The following SOX6 variants were observed in gnomAD, a reference collection of about 807,000 sequenced individuals.
SOX6 encodes the protein transcription factor SOX-6.
A neutral mutation model predicts 97.8 loss-of-function variants in SOX6; 11 were observed. The observed-to-expected ratio is 0.11, with a 90% CI of 0.07 to 0.19. SOX6 has a LOEUF of 0.19. SOX6 is among the 10% of genes least tolerant of loss of function. SOX6 has a pLI of 1.00. For missense variants in SOX6, 810 were observed against 1,039.5 expected (o/e 0.78, Z 3.04); for synonymous variants, 360 against 371.4 (o/e 0.97, Z 0.35).
intron 4 of SOX6, among the ~76,000 whole-genome samples, chr11:16,550,595 T>C (rs1290857973): frequency 6.6e-6 from 1 of 152,118 alleles, no homozygotes; most frequent in African/African-American, 2.4e-5. Flanking sequence ...TGCTCTAAAT[T>C]ATACCTTAAT....
At chr11:16,308,308 T>C (rs1474549813) in intron 3 of SOX6, among the ~76,000 whole-genome samples, 1 of 152,224 alleles carries the variant, frequency 6.6e-6, no homozygotes, top group Non-Finnish European at 1.5e-5. Context: ...TAGTAAACTC[T>C]AAAATTTGGA....
In SOX6 at chr11:16,548,911, C is replaced by CA. The variant is rs149712409; in HGVS notation, n.609+63169dup. ...GCCATTCCATAACGTATACATATTT[C>CA]AAAAAAAATGAAATCACAAACCCAG... On this transcript the variant is annotated intron_variant and non_coding_transcript_variant, in intron 4 of 5. Transcript: ENST00000524520. Among the ~76,000 whole-genome samples the CA allele has an allele frequency of 4.0e-3, 603 of 150,774 alleles. 15 individuals carry two copies. In the East Asian group the frequency reaches 0.052, roughly 13 times the overall value.
chr11:16,592,323 T>C (rs989625233), intron 4 of SOX6, among the ~76,000 whole-genome samples: 7 of 148,804 alleles, frequency 4.7e-5, no homozygotes, highest in African/African-American at 1.7e-4. Context: ...AAGATCTCTA[T>C]TTCCTCTCCA....
intron 4 of SOX6, among the ~76,000 whole-genome samples, chr11:16,225,027 C>T (rs536630531): frequency 3.1e-4 from 47 of 152,168 alleles, no homozygotes; most frequent in Non-Finnish European, 2.9e-4. Context: ...ACAGAAAATA[C>T]TGGCAAACAT....
intron 5 of SOX6, among the ~76,000 whole-genome samples, chr11:16,186,502 T>G (rs1483607423): frequency 1.3e-5 from 2 of 152,152 alleles, no homozygotes; most frequent in Non-Finnish European, 2.9e-5. Context: ...GTGATGTCTA[T>G]ATGAATAAGC....
intron 13 of SOX6, among the ~76,000 whole-genome samples, chr11:16,010,809 C>T (rs1460879829): frequency 2.6e-5 from 4 of 151,804 alleles, no homozygotes; most frequent in Non-Finnish European, 5.9e-5. Flanking sequence ...ACAAATACAA[C>T]CTCTAAGCCA....
At chr11:16,699,276 T>C (rs2134040467) in intron 3 of SOX6, among the ~76,000 whole-genome samples, 1 of 152,304 alleles carries the variant, frequency 6.6e-6, no homozygotes, top group South Asian at 2.1e-4. Context: ...AGCCAAAAAA[T>C]TCTCACCCAG....
At chr11:16,448,585 T>C (rs1003145961) in intron 1 of SOX6, among the ~76,000 whole-genome samples, 1 of 152,200 alleles carries the variant, frequency 6.6e-6, no homozygotes, top group African/African-American at 2.4e-5. Context: ...ATGACTTTCT[T>C]CTGATACTCT....
intron 4 of SOX6, among the ~76,000 whole-genome samples, chr11:16,583,612 T>TACATATATATATATATATACACACAC (rs1565186373): frequency 2.3e-5 from 1 of 43,948 alleles, no homozygotes; most frequent in African/African-American, 9.9e-5. Context: ...TGTATATATA[T>TACATATATATATATATATACACACAC]ACATATATAT....
chr11:16,041,778 G>A (rs1855675685), intron 12 of SOX6, among the ~76,000 whole-genome samples: 2 of 152,118 alleles, frequency 1.3e-5, no homozygotes, highest in African/African-American at 2.4e-5. Flanking sequence ...ATCCTAGCAG[G>A]TAGCTAGTTT....
At chr11:16,027,700 G>C (rs1855249832) in intron 12 of SOX6, among the ~76,000 whole-genome samples, 1 of 152,228 alleles carries the variant, frequency 6.6e-6, no homozygotes, top group African/African-American at 2.4e-5. Flanking sequence ...ATTCCTTGCT[G>C]GAATGTCTCA....
intron 1 of SOX6, chr11:16,402,743 G>C: frequency 1.9e-6 from 3 of 1,609,616 alleles, no homozygotes; most frequent in African/African-American, 1.3e-5. Flanking sequence ...TGACTTAGGG[G>C]CTGGCTAGAA....
chr11:16,673,203 A>C (rs1220517548), intron 3 of SOX6, among the ~76,000 whole-genome samples: 1 of 152,238 alleles, frequency 6.6e-6, no homozygotes, highest in Non-Finnish European at 1.5e-5. Flanking sequence ...TGTGTCTTAA[A>C]GAATTAGAAA....
Position 16,234,627 on chromosome 11 carries a change from T to G in SOX6, c.490A>C (p.Lys164Gln), listed in dbSNP as rs1852961447. The change falls in exon 4 of 16, where the codon AAA (lysine) becomes CAA (glutamine). Residue 164 changes from lysine to glutamine, a missense_variant. This residue lies in a region of SOX6 where 110 missense variants were observed against 119.0 expected (regional missense o/e 0.92). Coordinates refer to ENST00000683767, the MANE Select transcript of SOX6 (RefSeq NM_001367873.1). The part of the protein sequence containing the change: ...EKLLSKDWKE[K>Q]MERLNTSELL... ...TCACTGGTATTTAGTCTTTCCATTTTTTCCTTCCAATCTTTTGAAAGTAGT... is the reference window on the plus strand; with the variant it reads ...TCACTGGTATTTAGTCTTTCCATTTGTTCCTTCCAATCTTTTGAAAGTAGT... The G allele has an allele frequency of 6.2e-7, 1 of 1,600,106 alleles. No homozygotes were observed. Among genetic ancestry groups the G allele is most frequent in the Admixed American group, 1.7e-5 (1 of 59,584 alleles).
chr11:16,606,614 A>G (rs1467126954), intron 4 of SOX6, among the ~76,000 whole-genome samples: 1 of 152,170 alleles, frequency 6.6e-6, no homozygotes, highest in Non-Finnish European at 1.5e-5. Flanking sequence ...TCCCAATTAT[A>G]TAGATTAGAA....
chr11:16,242,181 T>G (rs11023888), intron 3 of SOX6, among the ~76,000 whole-genome samples: 7,713 of 152,124 alleles, frequency 0.051, 276 homozygotes, highest in Non-Finnish European at 0.08. Context: ...CCACATACAA[T>G]GGTAGTCTTG....
intron 3 of SOX6, among the ~76,000 whole-genome samples, chr11:16,616,995 C>G (rs529110737): frequency 6.6e-6 from 1 of 151,938 alleles, no homozygotes; most frequent in South Asian, 2.1e-4. Flanking sequence ...TATTCTATAA[C>G]TTGCTAAGTT....
chr11:16,230,322 G>T (rs564227047), intron 4 of SOX6, among the ~76,000 whole-genome samples: 1 of 4,042 alleles, frequency 2.5e-4, no homozygotes, highest in African/African-American at 1.2e-3. Flanking sequence ...TATGAAGGGT[G>T]GGTGGGAGTT....
rs1402328375 is a variant in SOX6, at chr11:15,969,765, C to G, written c.*3044G>C. Reference sequence around the variant, plus strand: ...AAAGTCATATAAACTTTGTTTAAGCCCCACTGAAAATAAAATGAATTGATC... The same window carrying G: ...AAAGTCATATAAACTTTGTTTAAGCGCCACTGAAAATAAAATGAATTGATC... On this transcript the variant is annotated 3_prime_UTR_variant, in exon 16 of 16. Coordinates refer to ENST00000683767, the MANE Select transcript of SOX6 (RefSeq NM_001367873.1). 1 of 151,948 alleles carries G rather than the reference C, an allele frequency of 6.6e-6. No homozygotes were observed. Among genetic ancestry groups the G allele is most frequent in the Non-Finnish European group, 1.5e-5 (1 of 67,988 alleles). The allele number at this position is 151,948 out of a possible 1,614,324, so 9.4% of individuals were successfully genotyped here.
Sources: gnomAD v4.1 joint callset for allele counts (sites outside exome capture counted in the v4.1 genomes callset) on GRCh38, gnomAD v4.1.1 for gene constraint, gnomAD v4.1.1 regional missense constraint, MANE v1.5 for transcripts, NCBI Gene and HGNC (gene_info 2026-07-23, HGNC 2026-07-21) for gene names.